Variants in ZNF654 observed in about 807,000 individuals in gnomAD.
ZNF654 encodes the protein zinc finger protein 654, also known as melanoma-associated antigen.
A neutral mutation model predicts 95.3 loss-of-function variants in ZNF654; 19 were observed. The ratio of observed to expected loss-of-function variants is 0.20; its 90% CI spans 0.14 to 0.29. ZNF654 has a LOEUF of 0.29. Among genes scored for constraint, ZNF654 ranks in the 10% least tolerant of loss-of-function variants. The probability of loss-of-function intolerance (pLI) is 1.00; values close to 1 mark genes in which losing one functional copy is unlikely to be tolerated. For synonymous variants in ZNF654, 413 were observed against 457.9 expected, an observed-to-expected ratio of 0.90 and a Z score of 1.25; for missense variants, 1,046 against 1,341.0, an observed-to-expected ratio of 0.78 and a Z score of 3.44.
At chr3:88,103,054 C>A (rs4276211) in intron 2 of ZNF654, among the ~76,000 whole-genome samples, 118,975 of 151,856 alleles carry the variant, frequency 0.78, 47,514 homozygotes, top group South Asian at 0.91. Flanking sequence ...TTTAGCTCCC[C>A]CTTATAAGTG....
chr3:88,076,928 CAA>C (rs572587305), intron 1 of ZNF654, among the ~76,000 whole-genome samples: 294 of 152,214 alleles, frequency 1.9e-3, no homozygotes, highest in Non-Finnish European at 3.3e-3. Flanking sequence ...GTAGCTAACT[CAA>C]GAGGGATATG....
At chr3:88,134,985 A>T in intron 6 of ZNF654, 76 bp from the exon 7 acceptor site, 1 of 1,067,714 alleles carries the variant, frequency 9.4e-7, no homozygotes, top group South Asian at 2.4e-5. Context: ...GGCACTATAG[A>T]ATCAGGGAAA....
intron 4 of ZNF654, among the ~76,000 whole-genome samples, chr3:88,126,640 G>A: frequency 7.3e-6 from 1 of 137,862 alleles, no homozygotes. Context: ...GAAAGCACAT[G>A]GAATCTCACT....
chr3:88,120,372 A>C (rs561087168), intron 3 of ZNF654, among the ~76,000 whole-genome samples: 70 of 152,320 alleles, frequency 4.6e-4, no homozygotes, highest in African/African-American at 1.4e-3. Context: ...TGCTATCTTG[A>C]GAGCTTTATT....
intron 2 of ZNF654, among the ~76,000 whole-genome samples, chr3:88,095,085 A>G (rs989829509): frequency 6.6e-6 from 1 of 152,140 alleles, no homozygotes; most frequent in Non-Finnish European, 1.5e-5. Context: ...TTAGTAATTT[A>G]TTGGTTGAAG....
chr3:88,126,373 T>C, intron 4 of ZNF654, 104 bp downstream of exon 4: 1 of 1,170,180 alleles, frequency 8.5e-7, no homozygotes, highest in Non-Finnish European at 1.1e-6. Context: ...TTTATAATAC[T>C]GAATAATGGG....
chr3:88,077,457 C>T (rs750088700), intron 1 of ZNF654, among the ~76,000 whole-genome samples: 9 of 151,982 alleles, frequency 5.9e-5, no homozygotes, highest in Non-Finnish European at 1.3e-4. Flanking sequence ...CTCAGCCTCC[C>T]GAGGAGGTGG....
intron 3 of ZNF654, among the ~76,000 whole-genome samples, chr3:88,125,129 C>T (rs920579710): frequency 9.2e-5 from 14 of 151,540 alleles, no homozygotes; most frequent in Admixed American, 7.9e-4. Context: ...GCAGGAGAAT[C>T]GCTTGAACCT....
intron 2 of ZNF654, chr3:88,095,572 A>G: frequency 5.8e-6 from 3 of 520,710 alleles, no homozygotes; most frequent in Non-Finnish European, 7.8e-6. Flanking sequence ...CATTAAAAAC[A>G]TAAATTGCCA....
At chr3:88,094,065 G>A (rs370551500) in intron 2 of ZNF654, among the ~76,000 whole-genome samples, 8 of 150,292 alleles carry the variant, frequency 5.3e-5, no homozygotes, top group South Asian at 2.1e-4. Flanking sequence ...GTCGTCTAGC[G>A]TTCTATTTCT....
chr3:88,095,597 C>T (rs1291166933), intron 2 of ZNF654: 1 of 520,436 alleles, frequency 1.9e-6, no homozygotes, highest in Admixed American at 2.0e-5. Context: ...AATCTGTTGC[C>T]CCAATGATCT....
chr3:88,134,440 A>G (rs983951269), intron 6 of ZNF654, among the ~76,000 whole-genome samples: 1 of 152,120 alleles, frequency 6.6e-6, no homozygotes, highest in Non-Finnish European at 1.5e-5. Context: ...GCTCTATCAT[A>G]TGATTTGCCT....
At chr3:88,063,807 T>C (rs1253179452) in intron 1 of ZNF654, among the ~76,000 whole-genome samples, 1 of 152,126 alleles carries the variant, frequency 6.6e-6, no homozygotes, top group Non-Finnish European at 1.5e-5. Context: ...TCATTTGCTC[T>C]TTCTTACTAG....
intron 2 of ZNF654, among the ~76,000 whole-genome samples, chr3:88,096,398 C>G (rs1479824781): frequency 6.6e-6 from 1 of 152,098 alleles, no homozygotes; most frequent in Non-Finnish European, 1.5e-5. Flanking sequence ...GATATAACTA[C>G]TGCTATAGAG....
intron 1 of ZNF654, among the ~76,000 whole-genome samples, chr3:88,071,402 T>C (rs1036318424): frequency 7.2e-5 from 11 of 152,110 alleles, no homozygotes; most frequent in Non-Finnish European, 1.5e-4. Context: ...CCCAGCACTT[T>C]GGGAGGCTGA....
intron 2 of ZNF654, among the ~76,000 whole-genome samples, chr3:88,093,659 T>A (rs1033638775): frequency 8.5e-5 from 13 of 152,244 alleles, no homozygotes; most frequent in African/African-American, 3.1e-4. Flanking sequence ...TAATGTTAGA[T>A]CACTGATCCT....
At chr3:88,074,623 G>T (rs537441192) in intron 1 of ZNF654, among the ~76,000 whole-genome samples, 1 of 152,102 alleles carries the variant, frequency 6.6e-6, no homozygotes, top group East Asian at 1.9e-4. Context: ...TTATAAGCGT[G>T]AGCCACTGCG....
intron 2 of ZNF654, among the ~76,000 whole-genome samples, chr3:88,108,653 G>A (rs999566523): frequency 2.0e-5 from 3 of 152,152 alleles, no homozygotes; most frequent in African/African-American, 2.4e-5. Flanking sequence ...TAGTCATTTC[G>A]TAGCCCTCTA....
intron 1 of ZNF654, among the ~76,000 whole-genome samples, chr3:88,064,621 T>G (rs1211880785): frequency 1.3e-5 from 2 of 152,230 alleles, no homozygotes; most frequent in African/African-American, 4.8e-5. Flanking sequence ...AAACTCCCTC[T>G]ACTGATGGCT....
Sources: gnomAD v4.1 joint callset for allele counts (sites outside exome capture counted in the v4.1 genomes callset) on GRCh38, gnomAD v4.1.1 for gene constraint, MANE v1.5 for transcripts, NCBI Gene and HGNC (gene_info 2026-07-23, HGNC 2026-07-21) for gene names.